Variants in UNC13A observed in about 807,000 individuals in gnomAD.
UNC13A encodes the protein protein unc-13 homolog A.
In UNC13A, 61 loss-of-function variants were observed where a neutral mutation model predicts 219.7. The ratio of observed to expected loss-of-function variants is 0.28; its 90% confidence interval spans 0.23 to 0.34. The LOEUF (loss-of-function observed/expected upper bound fraction) is 0.34, where lower values mean the gene tolerates loss of function less well. Ranked by LOEUF, UNC13A falls within the 10% of genes least tolerant of loss-of-function variation. The pLI is 1.00. For missense variants in UNC13A, 1,476 were observed against 2,270.3 expected, an observed-to-expected ratio of 0.65 and a Z score of 7.11; for synonymous variants, 920 against 884.6, an observed-to-expected ratio of 1.04 and a Z score of -0.71.
Position 17,604,420 on chromosome 19 carries a change from GTTC to G in UNC13A, c.*1631_*1633del, listed in dbSNP as rs2076499734. Reference sequence around the variant, plus strand: ...TGCCACCCTTCTCGTTGTTTCAACAGTTCTTCTCTCCTGGCCTTCGCACGTGCT... The same window carrying G: ...TGCCACCCTTCTCGTTGTTTCAACAGTTCTCTCCTGGCCTTCGCACGTGCT... On this transcript the variant is annotated 3_prime_UTR_variant, in exon 44 of 44. Transcript: ENST00000519716. 2 of 152,264 alleles carry G rather than the reference GTTC, an allele frequency of 1.3e-5. No homozygotes were observed. Among genetic ancestry groups the G allele is most frequent in the Non-Finnish European group, 2.9e-5 (2 of 68,122 alleles). 9.4% of individuals were successfully genotyped at this position (152,264 alleles called of 1,614,324 possible). A position where few individuals can be genotyped will look rare whatever the true frequency, so the allele number is the denominator to read the frequency against.
chr19:17,634,521 G>A (rs545666059), intron 26 of UNC13A, among the ~76,000 whole-genome samples: 331 of 151,964 alleles, frequency 2.2e-3, no homozygotes, highest in Admixed American at 6.2e-3. Context: ...TATATTTTTA[G>A]TAGAGATGGG....
rs753652208 is a variant in UNC13A, at chr19:17,627,520, C to T, written c.3909G>A (p.Val1303=). The T allele has an allele frequency of 1.9e-6, 3 of 1,559,564 alleles. No homozygotes were observed. Among genetic ancestry groups the T allele is most frequent in the African/African-American group, 1.4e-5 (1 of 73,432 alleles). Residue 1303 remains valine, a synonymous_variant, in exon 33 of 44, where the codon GTG becomes GTA. Transcript: ENST00000519716. This position sits in a 1 kb window ranked among gnomAD's most constrained non-coding sequence, Gnocchi z 4.7. ...LNNVLDELSR[V]FATSFQPHIE... ...GGAGATGCTCCCACCTGGTAGCAAACACCCGGCTGAGCTCATCCAAGACGT... is the reference window on the plus strand; with the variant it reads ...GGAGATGCTCCCACCTGGTAGCAAATACCCGGCTGAGCTCATCCAAGACGT...
At position 17,604,590 on chromosome 19, in the gene UNC13A, C is replaced by T. The variant is rs1242188242; in HGVS notation, c.*1464G>A. ...CCGTTTTCATTTCTCCCTAGCACAG[C>T]AAAATCTTGTCCTTCCCAATCCAGC... On this transcript the variant is annotated 3_prime_UTR_variant, in exon 44 of 44. Coordinates refer to ENST00000519716, the MANE Select transcript of UNC13A (RefSeq NM_001080421.3). 1 of 152,360 alleles carries T rather than the reference C, an allele frequency of 6.6e-6. No individual in the cohort carries two copies. Among genetic ancestry groups the T allele is most frequent in the Non-Finnish European group, 1.5e-5 (1 of 68,164 alleles). 9.4% of individuals were successfully genotyped at this position (152,360 alleles called of 1,614,324 possible).
chr19:17,656,452 G>T (rs2079456267), intron 9 of UNC13A, 54 bp from the exon 10 acceptor site: 1 of 1,446,770 alleles, frequency 6.9e-7, no homozygotes, highest in South Asian at 1.4e-5. Flanking sequence ...CTGCCCACCT[G>T]AGCCCCAGTC....
intron 24 of UNC13A, 96 bp from the exon 25 acceptor site, chr19:17,639,313 G>A (rs774454248): frequency 5.4e-5 from 85 of 1,583,192 alleles, no homozygotes; most frequent in Non-Finnish European, 6.9e-5. Context: ...AAATGAAGTG[G>A]TATGAAAGGA....
intron 7 of UNC13A, among the ~76,000 whole-genome samples, 180 bp from the exon 8 acceptor site, chr19:17,663,747 T>TTG (rs2079593451): frequency 6.6e-6 from 1 of 152,122 alleles, no homozygotes; most frequent in Admixed American, 6.6e-5. Flanking sequence ...GTCTCTGCTC[T>TTG]CCACCTTGGG....
chr19:17,641,084 G>A (rs2076964212), intron 21 of UNC13A, among the ~76,000 whole-genome samples: 1 of 151,852 alleles, frequency 6.6e-6, no homozygotes, highest in Non-Finnish European at 1.5e-5. Context: ...TCACCATGTT[G>A]GCCAGGCTGG....
At position 17,632,876 on chromosome 19, in the gene UNC13A, C is replaced by T. The variant is rs374805235; in HGVS notation, c.3334G>A (p.Asp1112Asn). The change falls in exon 28 of 44, where the codon GAC becomes AAC. Residue 1112 changes from aspartate (D) to asparagine (N), a missense_variant. Transcript: ENST00000519716. ...ACCTTGAAGTGGAGGTTCATGTAGTCGGCACTCTTGCATAGACGATGCTTG... is the reference window on the plus strand; with the variant it reads ...ACCTTGAAGTGGAGGTTCATGTAGTTGGCACTCTTGCATAGACGATGCTTG... ...HDKHRLCKSA[D>N]YMNLHFKVKW... 2.2e-5 allele frequency: 36 copies of T among 1,613,850 alleles called. No individual in the cohort carries two copies. Among genetic ancestry groups the T allele is most frequent in the Admixed American group, 8.3e-5 (5 of 60,002 alleles).
At chr19:17,665,762 C>T (rs1439555131) in intron 7 of UNC13A, among the ~76,000 whole-genome samples, 7 of 152,172 alleles carry the variant, frequency 4.6e-5, no homozygotes, top group African/African-American at 1.7e-4. Flanking sequence ...TGTGCTGGCC[C>T]CATGAATAGT....
At chr19:17,619,166 C>G in intron 38 of UNC13A, 1 of 505,518 alleles carries the variant, frequency 2.0e-6, no homozygotes, top group South Asian at 2.3e-5. Context: ...GAGGATAGTC[C>G]CCCACCCTCT....
chr19:17,628,087 GC>G, intron 31 of UNC13A, 147 bp from the exon 32 acceptor site: 1 of 706,876 alleles, frequency 1.4e-6, no homozygotes, highest in Non-Finnish European at 2.4e-6. Flanking sequence ...ATGGAAGGGA[GC>G]TTTTGTGCTC....
intron 42 of UNC13A, among the ~76,000 whole-genome samples, chr19:17,611,196 T>C (rs2076600271): frequency 6.6e-6 from 1 of 152,168 alleles, no homozygotes; most frequent in South Asian, 2.1e-4. Context: ...TTTTTGTTTG[T>C]TTGTTTACAT....
At position 17,663,620 on chromosome 19, in the gene UNC13A, G is replaced by A. The variant is rs2079590755; in HGVS notation, c.524-53C>T. 4 of 1,560,060 alleles carry A rather than the reference G, an allele frequency of 2.6e-6. No homozygotes were observed. In the South Asian group the frequency reaches 4.7e-5, roughly 18 times the overall value. ...AAAGGGAGCAGACAGAGGGGTGGGT[G>A]TAGGAAGGGGGCTCCCCTGCTGTCC... On this transcript the variant is annotated intron_variant, in intron 7 of 43. Coordinates refer to ENST00000519716, the MANE Select transcript of UNC13A (RefSeq NM_001080421.3).
At chr19:17,653,250 C>A (rs1599381639) in intron 11 of UNC13A, among the ~76,000 whole-genome samples, 1 of 151,904 alleles carries the variant, frequency 6.6e-6, no homozygotes, top group Admixed American at 6.6e-5. Context: ...GAACTCCTGG[C>A]CTCATGTGAT....
At chr19:17,628,032 G>A (rs1599348136) in intron 31 of UNC13A, 92 bp from the exon 32 acceptor site, 2 of 1,293,558 alleles carry the variant, frequency 1.5e-6, no homozygotes, top group Non-Finnish European at 2.2e-6. Flanking sequence ...ATGGTTTCAG[G>A]GTCTGGGTCT....
chr19:17,634,679 C>A (rs2076894280), intron 26 of UNC13A, among the ~76,000 whole-genome samples: 1 of 151,252 alleles, frequency 6.6e-6, no homozygotes, highest in African/African-American at 2.4e-5. Context: ...TTCTACCAAT[C>A]TATCTGTCCA....
At position 17,624,630 on chromosome 19, in the gene UNC13A, G is replaced by T. The variant is rs113531756; in HGVS notation, c.4197+199C>A. On this transcript the variant is annotated intron_variant, in intron 35 of 43. Transcript: ENST00000519716. ...AACTCTTCGATGATCTTTAACCCCT[G>T]TGTGAACTCTCTGACCTCTGAATGG... Among the ~76,000 whole-genome samples the T allele has an allele frequency of 1.6e-3, 243 of 152,108 alleles. 2 individuals carry two copies. The highest frequency in any genetic ancestry group is 5.6e-3 in the African/African-American group (232 of 41,492).
At position 17,688,312 on chromosome 19, in the gene UNC13A, G is replaced by C; in HGVS notation, c.-113C>G. The C allele has an allele frequency of 1.5e-6, 2 of 1,329,704 alleles. No individual in the cohort carries two copies. The highest frequency in any genetic ancestry group is 1.9e-6 in the Non-Finnish European group (2 of 1,039,976). The allele number at this position is 1,329,704 out of a possible 1,614,324, so 82.4% of individuals were successfully genotyped here. On this transcript the variant is annotated 5_prime_UTR_variant, in exon 1 of 44. Transcript: ENST00000519716. ...CTGCAGCCCGCGCTTGGCTCACGCC[G>C]GGGCCCGGCCGCCACCGGCCATCTT...
At position 17,624,933 on chromosome 19, in the gene UNC13A, T is replaced by A; in HGVS notation, c.4093A>T (p.Ile1365Phe). ...LDSNLTLFAK[I>F]CEKTVLKRVL... Reference sequence around the variant, plus strand: ...CGCTTCAGCACAGTCTTCTCACAGATTTTGGCAAAGAGGGTCAGGCTGGGG... The same window carrying A: ...CGCTTCAGCACAGTCTTCTCACAGAATTTGGCAAAGAGGGTCAGGCTGGGG... Residue 1365 changes from isoleucine to phenylalanine, a missense_variant, in exon 35 of 44, where the codon ATC (isoleucine) becomes TTC (phenylalanine). Coordinates refer to ENST00000519716, the MANE Select transcript of UNC13A (RefSeq NM_001080421.3). The A allele has an allele frequency of 2.5e-6, 4 of 1,613,426 alleles. No homozygotes were observed. The highest frequency in any genetic ancestry group is 3.4e-6 in the Non-Finnish European group (4 of 1,179,490).
Sources: allele counts gnomAD v4.1 joint callset (sites outside exome capture counted in the v4.1 genomes callset), GRCh38; gene constraint gnomAD v4.1.1; non-coding constraint Gnocchi (gnomAD v3.1); transcripts MANE v1.5; gene names NCBI Gene and HGNC (gene_info 2026-07-23, HGNC 2026-07-21).